Variants in THSD7A observed in about 807,000 individuals in gnomAD.
The protein encoded by THSD7A is thrombospondin type-1 domain-containing protein 7A.
THSD7A carries 96 observed loss-of-function variants against 231.3 expected under a neutral mutation model. The observed-to-expected ratio is 0.41, with a 90% CI of 0.35 to 0.49. The LOEUF is 0.49. THSD7A is among the 20% of genes least tolerant of loss of function. The probability of loss-of-function intolerance (pLI) is 0.05; values close to 1 mark genes in which losing one functional copy is unlikely to be tolerated. For synonymous variants in THSD7A, 940 were observed against 743.3 expected (o/e 1.26, Z -4.30); for missense variants, 2,290 against 2,070.2 (o/e 1.11, Z -2.06).
chr7:11,505,614 G>T (rs949631738), intron 6 of THSD7A, among the ~76,000 whole-genome samples: 9 of 152,120 alleles, frequency 5.9e-5, no homozygotes, highest in African/African-American at 1.7e-4. Context: ...ATACACTAAA[G>T]AATTCACATA....
At chr7:11,750,238 T>C (rs1487031646) in intron 1 of THSD7A, among the ~76,000 whole-genome samples, 1 of 151,844 alleles carries the variant, frequency 6.6e-6, no homozygotes, top group Non-Finnish European at 1.5e-5. Flanking sequence ...AATTACTAAT[T>C]ATTATTAATA....
At chr7:11,610,180 C>T (rs2128348548) in intron 2 of THSD7A, among the ~76,000 whole-genome samples, 1 of 152,180 alleles carries the variant, frequency 6.6e-6, no homozygotes, top group African/African-American at 2.4e-5. Context: ...GAACCTAAAA[C>T]TGTTATTTCC....
In THSD7A at chr7:11,379,694, C is replaced by T; in HGVS notation, c.4526G>A (p.Ser1509Asn). 6.3e-7 allele frequency: 1 copy of T among 1,591,466 alleles called. No homozygotes were observed. The highest frequency in any genetic ancestry group is 8.6e-7 in the Non-Finnish European group (1 of 1,168,080). The change falls in exon 25 of 28, where the codon AGC becomes AAC. Residue 1509 changes from serine to asparagine, a missense_variant. Coordinates refer to ENST00000423059, the MANE Select transcript of THSD7A (RefSeq NM_015204.3). ...INVTGGCLVMSQPDADRSCNP... is the reference protein window; with the variant it reads ...INVTGGCLVMNQPDADRSCNP... ...ACAAGACCTGTCGGCATCAGGCTGG[C>T]TCATCACCAAGCAGCCCCCTGCGGA...
At position 11,407,378 on chromosome 7, in the gene THSD7A, C is replaced by G; in HGVS notation, c.3844G>C (p.Glu1282Gln). The G allele has an allele frequency of 6.2e-7, 1 of 1,613,602 alleles. No individual in the cohort carries two copies. The stretch of plus-strand genomic sequence containing the variant: ...GAAAGCTGACAGTTCACAGGGCATT[C>G]CACCATGCAGGACGTGTTCATCTGC... ...NWQMNTSCMV[E>Q]CPVNCQLSDW... The change falls in exon 20 of 28, where the codon GAA becomes CAA. Residue 1282 changes from glutamate (E) to glutamine (Q), a missense_variant. Transcript: ENST00000423059.
chr7:11,564,342 C>T (rs1252332789), intron 4 of THSD7A, among the ~76,000 whole-genome samples: 1 of 152,182 alleles, frequency 6.6e-6, no homozygotes, highest in Admixed American at 6.5e-5. Context: ...CCAAGAAAGC[C>T]TTCTCCTCTA....
intron 6 of THSD7A, among the ~76,000 whole-genome samples, chr7:11,487,188 C>T (rs371074332): frequency 2.6e-5 from 4 of 152,118 alleles, no homozygotes; most frequent in East Asian, 3.9e-4. Context: ...CTCTCATGAG[C>T]TCTCCTAAAC....
chr7:11,677,254 G>A (rs1204550239), intron 1 of THSD7A, among the ~76,000 whole-genome samples: 2 of 151,944 alleles, frequency 1.3e-5, no homozygotes, highest in East Asian at 3.9e-4. Flanking sequence ...CCTTACAAGG[G>A]CTCCTGAAGG....
chr7:11,511,452 C>A (rs2128313481), intron 6 of THSD7A, among the ~76,000 whole-genome samples: 1 of 152,230 alleles, frequency 6.6e-6, no homozygotes, highest in East Asian at 1.9e-4. Flanking sequence ...TCATATGGAA[C>A]CAAAAAACAG....
chr7:11,380,813 T>C (rs748664333), intron 24 of THSD7A, among the ~76,000 whole-genome samples: 1 of 152,160 alleles, frequency 6.6e-6, no homozygotes, highest in African/African-American at 2.4e-5. Context: ...CATTTACACA[T>C]TGGCCTTTTG....
At chr7:11,786,759 TAAAAAAAAA>T (rs58923353) in intron 1 of THSD7A, among the ~76,000 whole-genome samples, 4 of 108,652 alleles carry the variant, frequency 3.7e-5, no homozygotes, top group African/African-American at 1.0e-4. Context: ...AGTATAATAA[TAAAAAAAAA>T]AAAAAAAAAA....
chr7:11,635,406 T>A lies in THSD7A; in HGVS notation c.1022+724A>T, dbSNP rs143000036. Among the ~76,000 whole-genome samples the A allele has an allele frequency of 4.6e-3, 706 of 152,350 alleles. 3 individuals carry two copies. Among genetic ancestry groups the A allele is most frequent in the African/African-American group, 0.016 (659 of 41,588 alleles). On this transcript the variant is annotated intron_variant, in intron 2 of 27. Coordinates refer to ENST00000423059, the MANE Select transcript of THSD7A (RefSeq NM_015204.3). ...CCCAGAGAACATCATGTCTTTCAGA[T>A]AATCCTCAATGAAAATTATTTTCAC...
intron 1 of THSD7A, among the ~76,000 whole-genome samples, chr7:11,699,928 C>T (rs1257265957): frequency 2.0e-5 from 3 of 151,230 alleles, no homozygotes; most frequent in Non-Finnish European, 4.4e-5. Flanking sequence ...TCTTGTCTTA[C>T]CCTGGACGAA....
At chr7:11,772,379 T>C (rs1376583481) in intron 1 of THSD7A, among the ~76,000 whole-genome samples, 1 of 152,040 alleles carries the variant, frequency 6.6e-6, no homozygotes, top group Non-Finnish European at 1.5e-5. Context: ...TGGGTATATA[T>C]GCAAAGGAAT....
At chr7:11,516,910 T>C (rs1788053106) in intron 6 of THSD7A, among the ~76,000 whole-genome samples, 2 of 152,140 alleles carry the variant, frequency 1.3e-5, no homozygotes, top group South Asian at 2.1e-4. Context: ...CCTACCAGAA[T>C]TGCAGTCATG....
Position 11,481,851 on chromosome 7 carries a change from C to G in THSD7A, c.1954G>C (p.Gly652Arg), listed in dbSNP as rs1317462219. Residue 652 changes from glycine (G) to arginine (R), a missense_variant, in exon 7 of 28, where the codon GGG (glycine) becomes CGG (arginine). Gly to Arg is a moderately radical substitution (Grantham distance 125). Transcript: ENST00000423059. ...ATCTGTTTCCCTTCTGTCGTTTTCCCTGAGCAGGTGTGTGAGCAGGAGGAC... is the reference window on the plus strand; with the variant it reads ...ATCTGTTTCCCTTCTGTCGTTTTCCGTGAGCAGGTGTGTGAGCAGGAGGAC... ...TWSSCSHTCS[G>R]KTTEGKQIRA... The G allele has an allele frequency of 6.2e-7, 1 of 1,613,668 alleles. No homozygotes were observed. The highest frequency in any genetic ancestry group is 8.5e-7 in the Non-Finnish European group (1 of 1,179,698).
At chr7:11,711,696 C>T (rs1414461533) in intron 1 of THSD7A, among the ~76,000 whole-genome samples, 1 of 151,122 alleles carries the variant, frequency 6.6e-6, no homozygotes, top group Non-Finnish European at 1.5e-5. Context: ...CCAGTGAGAA[C>T]TGGCAGAAGT....
rs1184889793 is a variant in THSD7A, at chr7:11,634,313, A to G, written c.1022+1817T>C. On this transcript the variant is annotated intron_variant, in intron 2 of 27. Coordinates refer to ENST00000423059, the MANE Select transcript of THSD7A (RefSeq NM_015204.3). This position sits in a 1 kb window ranked among gnomAD's most constrained non-coding sequence, Gnocchi z 4.1. ...TTTGTTTAATTCAAACAACTGGATG[A>G]GAATATTAGGCTCTATGCAATGGTA... Among the ~76,000 whole-genome samples, 2 of 152,168 alleles carry G rather than the reference A, an allele frequency of 1.3e-5. No homozygotes were observed. The highest frequency in any genetic ancestry group is 2.4e-5 in the African/African-American group (1 of 41,444).
chr7:11,702,078 T>C (rs1780622220), intron 1 of THSD7A, among the ~76,000 whole-genome samples: 1 of 151,354 alleles, frequency 6.6e-6, no homozygotes, highest in African/African-American at 2.4e-5. Flanking sequence ...TCCATAGAGC[T>C]TAGCAGTTAG....
In THSD7A at chr7:11,425,731, T is replaced by TACACACACACACACAC. The variant is rs3086973; in HGVS notation, c.3250-918_3250-903dup. On this transcript the variant is annotated intron_variant, in intron 15 of 27. Coordinates refer to ENST00000423059, the MANE Select transcript of THSD7A (RefSeq NM_015204.3). ...GATAGTCCAACTCTATCCCTTATTT[T>TACACACACACACACAC]ACACACACACACACACACACACACA... 3.4e-3 allele frequency among the ~76,000 whole-genome samples: 502 copies of TACACACACACACACAC among 145,786 alleles called. 6 individuals carry two copies. The highest frequency in any genetic ancestry group is 9.6e-3 in the African/African-American group (374 of 38,886).
Sources: gnomAD v4.1 joint callset for allele counts (sites outside exome capture counted in the v4.1 genomes callset) on GRCh38, gnomAD v4.1.1 for gene constraint, Gnocchi (gnomAD v3.1) non-coding constraint, MANE v1.5 for transcripts, NCBI Gene and HGNC (gene_info 2026-07-23, HGNC 2026-07-21) for gene names.